The following AARS1 variants were observed in gnomAD, a reference collection of about 807,000 sequenced individuals.
The protein encoded by AARS1 is alanine--tRNA ligase, cytoplasmic.
Under a neutral mutation model 108.9 loss-of-function variants are expected in AARS1, and 72 were observed. The ratio of observed to expected loss-of-function variants is 0.66; its 90% CI spans 0.55 to 0.80. AARS1 has a LOEUF of 0.80. AARS1 is among the 30% of genes least tolerant of loss of function. The pLI, the probability that AARS1 is intolerant of heterozygous loss-of-function variation, is 0.00. For missense variants in AARS1, 1,193 were observed against 1,233.2 expected, an observed-to-expected ratio of 0.97 and a Z score of 0.49; for synonymous variants, 489 against 465.7, an observed-to-expected ratio of 1.05 and a Z score of -0.64.
intron 5 of AARS1, 78 bp downstream of exon 5, chr16:70,271,700 TGAG>T: frequency 7.1e-7 from 1 of 1,399,672 alleles, no homozygotes. Flanking sequence ...AGCTTTTAGC[TGAG>T]AAGAGAGCTA....
chr16:70,259,038 G>A lies in AARS1; in HGVS notation c.1934C>T (p.Ser645Phe). 6.2e-7 allele frequency: 1 copy of A among 1,614,166 alleles called. No homozygotes were observed. Among genetic ancestry groups the A allele is most frequent in the Admixed American group, 1.7e-5 (1 of 60,012 alleles). ...TTCAGCCTTCTTGATCTGTTGGGTGGACATGGCTCCCTTGGCAGTAAAGTC... is the reference window on the plus strand; with the variant it reads ...TTCAGCCTTCTTGATCTGTTGGGTGAACATGGCTCCCTTGGCAGTAAAGTC... ...RFDFTAKGAM[S>F]TQQIKKAEEI... is the part of the protein sequence containing the mutation. Residue 645 changes from serine (S) to phenylalanine (F), a missense_variant, in exon 14 of 21, where the codon TCC becomes TTC. Coordinates refer to ENST00000261772, the MANE Select transcript of AARS1 (RefSeq NM_001605.3).
At chr16:70,276,408 C>A (rs1198497722) in intron 4 of AARS1, 78 bp downstream of exon 4, 5 of 1,498,616 alleles carry the variant, frequency 3.3e-6, no homozygotes, top group Admixed American at 1.7e-5. Context: ...ACCACATATT[C>A]CAGGTCATAA....
intron 10 of AARS1, 81 bp downstream of exon 10, chr16:70,265,457 G>C: frequency 6.2e-7 from 1 of 1,601,386 alleles, no homozygotes; most frequent in Non-Finnish European, 8.5e-7. Context: ...TTTAATGGAA[G>C]GAAACTCATG....
chr16:70,283,604 G>A (rs1020585333), intron 1 of AARS1, among the ~76,000 whole-genome samples: 2 of 152,054 alleles, frequency 1.3e-5, no homozygotes, highest in African/African-American at 2.4e-5. Context: ...TAATGTACAC[G>A]CCTAGAACTG....
At chr16:70,254,853 CA>C in intron 16 of AARS1, 119 bp from the exon 17 acceptor site, 2 of 706,914 alleles carry the variant, frequency 2.8e-6, no homozygotes, top group Non-Finnish European at 5.1e-6. Flanking sequence ...CCCAACACCC[CA>C]AAAGTGTCTG....
chr16:70,283,386 A>T (rs1960755017), intron 1 of AARS1, among the ~76,000 whole-genome samples: 1 of 150,882 alleles, frequency 6.6e-6, no homozygotes, highest in Non-Finnish European at 1.5e-5. Flanking sequence ...ACAGAGAGAG[A>T]CTCCGTCTCA....
At position 70,267,688 on chromosome 16, in the gene AARS1, T is replaced by G; in HGVS notation, c.1193A>C (p.Gln398Pro). 6.2e-7 allele frequency: 1 copy of G among 1,614,196 alleles called. No individual in the cohort carries two copies. Among genetic ancestry groups the G allele is most frequent in the Non-Finnish European group, 8.5e-7 (1 of 1,180,038 alleles). The change falls in exon 9 of 21, where the codon CAG (glutamine) becomes CCG (proline). Residue 398 changes from glutamine to proline, a missense_variant. Physicochemically the swap from Gln to Pro is moderately conservative, Grantham distance 76. Transcript: ENST00000261772. ...RGRRILDRKI[Q>P]SLGDSKTIPG... is the part of the protein sequence containing the mutation. ...AATGGTCTTGCTGTCTCCCAGGCTC[T>G]GAATTTTCCTGTCCAGGATGCGACG...
At chr16:70,257,345 G>T (rs1567602581) in intron 15 of AARS1, among the ~76,000 whole-genome samples, 1 of 152,286 alleles carries the variant, frequency 6.6e-6, no homozygotes, top group East Asian at 1.9e-4. Context: ...AAGCCAGGAG[G>T]TAGAGGTTGC....
Position 70,282,686 on chromosome 16 carries a change from A to C in AARS1, c.78T>G (p.Val26=). The change falls in exon 2 of 21, where the codon GTT becomes GTG. Residue 26 remains valine, a synonymous_variant. Coordinates refer to ENST00000261772, the MANE Select transcript of AARS1 (RefSeq NM_001605.3). ...CCAATGGGATGGTGGCAGACGAGTG[A>C]ACATACGTATGCTCGTTCCTCTTGA... ...DFFKRNEHTY[V]HSSATIPLDD... 6.2e-7 allele frequency: 1 copy of C among 1,614,164 alleles called. No homozygotes were observed. The highest frequency in any genetic ancestry group is 1.1e-5 in the South Asian group (1 of 91,084).
chr16:70,272,681 C>A (rs892214698), intron 4 of AARS1, among the ~76,000 whole-genome samples: 4 of 151,358 alleles, frequency 2.6e-5, no homozygotes, highest in Non-Finnish European at 5.9e-5. Context: ...ATAATGAAAA[C>A]GCTGGCCACG....
At chr16:70,271,317 T>A (rs192451330) in intron 5 of AARS1, among the ~76,000 whole-genome samples, 281 of 151,772 alleles carry the variant, frequency 1.9e-3, no homozygotes, top group African/African-American at 5.5e-3. Flanking sequence ...TCACCTGAGG[T>A]TGGGAGTTCG....
At chr16:70,276,703 T>C in intron 3 of AARS1, 72 bp from the exon 4 acceptor site, 1 of 1,505,404 alleles carries the variant, frequency 6.6e-7, no homozygotes, top group Non-Finnish European at 9.2e-7. Context: ...GACCAGATGC[T>C]AGGAACACAG....
rs1959902856 is a variant in AARS1, at chr16:70,253,614, G to T, written c.2607+100C>A. 7 of 1,366,086 alleles carry T rather than the reference G, an allele frequency of 5.1e-6. No individual in the cohort carries two copies. In the South Asian group the frequency reaches 8.2e-5, roughly 16 times the overall value. The allele number at this position is 1,366,086 out of a possible 1,614,324, so 84.6% of individuals were successfully genotyped here. A position where few individuals can be genotyped will look rare whatever the true frequency, so the allele number is the denominator to read the frequency against. ...CTCCCAATCTCAATCCCAGACCGTG[G>T]GCCCTTAGGCAACCACTTCGCTCAG... On this transcript the variant is annotated intron_variant, in intron 19 of 20. Transcript: ENST00000261772.
rs574918984 is a variant in AARS1 at position 70,252,546 on chromosome 16, G to A, written c.*175C>T. The A allele has an allele frequency of 1.5e-6, 1 of 678,482 alleles. No homozygotes were observed. Among genetic ancestry groups the A allele is most frequent in the East Asian group, 2.7e-5 (1 of 36,778 alleles). The allele number at this position is 678,482 out of a possible 1,614,324, so 42.0% of individuals were successfully genotyped here. A position where few individuals can be genotyped will look rare whatever the true frequency, so the allele number is the denominator to read the frequency against. On this transcript the variant is annotated 3_prime_UTR_variant, in exon 21 of 21. Transcript: ENST00000261772. ...CTAGACCGATGGCACTGACGTGGAGGGCTCAGGGCAGAAATTTAAGGGGCA... is the reference window on the plus strand; with the variant it reads ...CTAGACCGATGGCACTGACGTGGAGAGCTCAGGGCAGAAATTTAAGGGGCA...
At chr16:70,286,695 A>C (rs539862399) in intron 1 of AARS1, among the ~76,000 whole-genome samples, 2 of 150,502 alleles carry the variant, frequency 1.3e-5, no homozygotes, top group Non-Finnish European at 3.0e-5. Flanking sequence ...ACAACAAAAA[A>C]TTAGCGGGGT....
chr16:70,276,621 CA>C lies in AARS1; in HGVS notation c.343del (p.Cys115ValfsTer32). On this transcript the variant is annotated frameshift_variant, in exon 4 of 21. Transcript: ENST00000261772. LOFTEE classifies it high-confidence loss of function. ...GGTGAGGAGTTCCAGAGCCATCTTA[CA>C]TGCCAATTCCTACAAAAAGAACAGA... ...SFGDYFKELACKMALELLTQE... is the reference protein window; with the variant it reads ...SFGDYFKELAXKMALELLTQE... The C allele has an allele frequency of 1.2e-6, 2 of 1,614,034 alleles. No homozygotes were observed. The highest frequency in any genetic ancestry group is 1.7e-6 in the Non-Finnish European group (2 of 1,180,028).
chr16:70,262,315 C>T (rs1395259078), intron 12 of AARS1, 31 bp downstream of exon 12: 1 of 1,613,908 alleles, frequency 6.2e-7, no homozygotes, highest in African/African-American at 1.3e-5. Context: ...CCTGGCCCTC[C>T]TCGGCTAACA....
intron 1 of AARS1, among the ~76,000 whole-genome samples, chr16:70,287,254 CAAAAAAAA>C (rs71151181): frequency 7.6e-5 from 3 of 39,434 alleles, no homozygotes; most frequent in South Asian, 1.8e-3. Flanking sequence ...GACTCCGTCT[CAAAAAAAA>C]AAAAAAAAAA....
At position 70,262,330 on chromosome 16, in the gene AARS1, A is replaced by G; in HGVS notation, c.1671+16T>C. The G allele has an allele frequency of 6.2e-7, 1 of 1,614,134 alleles. No individual in the cohort carries two copies. Among genetic ancestry groups the G allele is most frequent in the Middle Eastern group, 1.6e-4 (1 of 6,062 alleles). On this transcript the variant is annotated intron_variant, in intron 12 of 20. Coordinates refer to ENST00000261772, the MANE Select transcript of AARS1 (RefSeq NM_001605.3). ...CCTGGCCCTCCTCGGCTAACAAGGA[A>G]GAACTGTTGGCTCACATCTTCACTG...
Sources: allele counts gnomAD v4.1 joint callset (sites outside exome capture counted in the v4.1 genomes callset), GRCh38; gene constraint gnomAD v4.1.1; transcripts MANE v1.5; gene names NCBI Gene and HGNC (gene_info 2026-07-23, HGNC 2026-07-21).